PDE4B: variants seen among roughly 807,000 people sequenced by gnomAD.
PDE4B encodes the protein 3',5'-cyclic-AMP phosphodiesterase 4B.
A neutral mutation model predicts 82.2 loss-of-function variants in PDE4B; 20 were observed. That is an observed-to-expected ratio of 0.24 (90% CI 0.17 to 0.35). The LOEUF (loss-of-function observed/expected upper bound fraction) is 0.35, where lower values mean the gene tolerates loss of function less well. PDE4B is among the 10% of genes least tolerant of loss of function. PDE4B has a pLI of 1.00. For missense variants in PDE4B, 655 were observed against 907.2 expected (o/e 0.72, Z 3.57); for synonymous variants, 320 against 318.9 (o/e 1.00, Z -0.04).
At chr1:65,944,539 A>G (rs1007866152) in intron 3 of PDE4B, among the ~76,000 whole-genome samples, 1 of 151,980 alleles carries the variant, frequency 6.6e-6, no homozygotes, top group South Asian at 2.1e-4. Flanking sequence ...TGGGGCAGAT[A>G]AATTGATAGT....
rs1168144080 is a variant in PDE4B at position 66,162,305 on chromosome 1, CTTTTTTTTTTTTTTTT to C, written c.282-85142_282-85127del. Among the ~76,000 whole-genome samples the C allele has an allele frequency of 2.5e-4, 10 of 40,306 alleles. No homozygotes were observed. The East Asian group carries it at 4.4e-3, about 18-fold the overall frequency. 26.4% of individuals were successfully genotyped at this position (40,306 alleles called of 152,430 possible). On this transcript the variant is annotated intron_variant, in intron 3 of 16. Coordinates refer to ENST00000341517, the MANE Select transcript of PDE4B (RefSeq NM_002600.4). ...TTGGTGGTAAGGTTCATGGACTTCT[CTTTTTTTTTTTTTTTT>C]TTTTTTTTTTTTGCTATTCTGGTGA...
intron 3 of PDE4B, among the ~76,000 whole-genome samples, chr1:66,159,245 CT>C (rs34101261): frequency 0.013 from 1,878 of 139,596 alleles, 10 homozygotes; most frequent in Non-Finnish European, 0.015. Context: ...TAAAATAAAA[CT>C]TTTTTTTTTT....
At chr1:66,212,798 G>A (rs1194325322) in intron 3 of PDE4B, among the ~76,000 whole-genome samples, 1 of 152,086 alleles carries the variant, frequency 6.6e-6, no homozygotes, top group Non-Finnish European at 1.5e-5. Context: ...CCCCCGACAT[G>A]GCATCACAGG....
intron 7 of PDE4B, among the ~76,000 whole-genome samples, chr1:66,303,503 G>A (rs1166222773): frequency 1.3e-5 from 2 of 151,880 alleles, no homozygotes; most frequent in African/African-American, 4.8e-5. Context: ...CTTATTGTTA[G>A]CTAAAGTCAC....
intron 8 of PDE4B, among the ~76,000 whole-genome samples, chr1:66,343,784 G>A (rs2101963506): frequency 6.6e-6 from 1 of 152,294 alleles, no homozygotes; most frequent in South Asian, 2.1e-4. Flanking sequence ...ACTTTTAATA[G>A]ATTATCCTGC....
chr1:66,081,525 T>C (rs181890198), intron 3 of PDE4B, among the ~76,000 whole-genome samples: 1 of 152,270 alleles, frequency 6.6e-6, no homozygotes, highest in Admixed American at 6.5e-5. Flanking sequence ...CATCTATCTA[T>C]ACTAATTTCT....
intron 7 of PDE4B, among the ~76,000 whole-genome samples, chr1:66,279,217 A>G (rs564928704): frequency 6.6e-6 from 1 of 152,290 alleles, no homozygotes; most frequent in South Asian, 2.1e-4. Flanking sequence ...TAAAAGCATC[A>G]TAGCTCTTTA....
intron 3 of PDE4B, among the ~76,000 whole-genome samples, chr1:66,222,315 T>C (rs991051523): frequency 6.6e-6 from 1 of 152,214 alleles, no homozygotes; most frequent in Non-Finnish European, 1.5e-5. Context: ...AGTTCAAGGG[T>C]AAATGTAATA....
At chr1:66,330,566 A>C (rs779201192) in intron 7 of PDE4B, among the ~76,000 whole-genome samples, 31 of 152,192 alleles carry the variant, frequency 2.0e-4, no homozygotes, top group Admixed American at 1.1e-3. Flanking sequence ...TGAATGTCCA[A>C]TATTAGTTAC....
At chr1:66,262,375 C>T (rs935383458) in intron 6 of PDE4B, among the ~76,000 whole-genome samples, 4 of 152,150 alleles carry the variant, frequency 2.6e-5, no homozygotes, top group Admixed American at 1.3e-4. Context: ...TAGGAGGTTC[C>T]GTGAATTGCC....
chr1:66,091,168 A>C lies in PDE4B; in HGVS notation c.282-156292A>C, dbSNP rs1428721237. On this transcript the variant is annotated intron_variant, in intron 3 of 16. Transcript: ENST00000341517. Reference sequence around the variant, plus strand: ...TAACTGCCAATTAACGAGACACCCTAGGTTTAAAAAAAAGTGACCGTAACT... The same window carrying C: ...TAACTGCCAATTAACGAGACACCCTCGGTTTAAAAAAAAGTGACCGTAACT... 2.6e-5 allele frequency among the ~76,000 whole-genome samples: 4 copies of C among 152,132 alleles called. No homozygotes were observed. In the Middle Eastern group the frequency reaches 0.01, roughly 388 times the overall value.
chr1:66,231,331 CTGTGTG>C (rs1651932521), intron 3 of PDE4B, among the ~76,000 whole-genome samples: 1 of 152,192 alleles, frequency 6.6e-6, no homozygotes, highest in African/African-American at 2.4e-5. Flanking sequence ...GTCAGCAACA[CTGTGTG>C]AAGAGCCCTC....
intron 1 of PDE4B, among the ~76,000 whole-genome samples, chr1:65,876,792 C>G (rs1267930517): frequency 6.6e-6 from 1 of 152,054 alleles, no homozygotes; most frequent in Non-Finnish European, 1.5e-5. Context: ...TTAGTGTGAT[C>G]ATTCATAATT....
chr1:66,146,482 C>G (rs544967912), intron 3 of PDE4B, among the ~76,000 whole-genome samples: 1 of 152,202 alleles, frequency 6.6e-6, no homozygotes, highest in East Asian at 1.9e-4. Flanking sequence ...CCGTGCCTGG[C>G]CTGGGCAGTG....
chr1:66,306,894 A>G (rs1322452062), intron 7 of PDE4B, among the ~76,000 whole-genome samples: 1 of 152,190 alleles, frequency 6.6e-6, no homozygotes, highest in Non-Finnish European at 1.5e-5. Flanking sequence ...TGCAGTGATC[A>G]GTTGGAAATA....
At chr1:65,827,658 C>T (rs1325386235) in intron 1 of PDE4B, among the ~76,000 whole-genome samples, 1 of 152,016 alleles carries the variant, frequency 6.6e-6, no homozygotes. Context: ...GAGACATTAT[C>T]AAACAGCCTA....
At chr1:66,058,688 T>G (rs950996729) in intron 3 of PDE4B, among the ~76,000 whole-genome samples, 4 of 152,190 alleles carry the variant, frequency 2.6e-5, no homozygotes, top group South Asian at 2.1e-4. Context: ...CCTTGGCCCC[T>G]TTTAGTCATG....
chr1:66,254,102 G>A (rs904652482), intron 4 of PDE4B, among the ~76,000 whole-genome samples: 8 of 152,072 alleles, frequency 5.3e-5, no homozygotes, highest in Admixed American at 3.9e-4. Flanking sequence ...CTGGAAATCC[G>A]GGAGTCATAG....
intron 3 of PDE4B, among the ~76,000 whole-genome samples, chr1:66,162,216 TC>T (rs1646628827): frequency 6.7e-6 from 1 of 149,432 alleles, no homozygotes; most frequent in African/African-American, 2.4e-5. Context: ...ATGTTCTCCC[TC>T]CTCACTTTAT....
Sources: gnomAD v4.1 joint callset for allele counts (sites outside exome capture counted in the v4.1 genomes callset) on GRCh38, gnomAD v4.1.1 for gene constraint, MANE v1.5 for transcripts, NCBI Gene and HGNC (gene_info 2026-07-23, HGNC 2026-07-21) for gene names.